The following C2CD5 variants were observed in gnomAD, a reference collection of about 807,000 sequenced individuals.
The protein encoded by C2CD5 is C2 calcium dependent domain containing 5, also known as C2 domain-containing protein 5.
C2CD5 carries 109 observed loss-of-function variants against 130.3 expected under a neutral mutation model. The observed-to-expected ratio is 0.84, with a 90% confidence interval of 0.72 to 0.98. The LOEUF (loss-of-function observed/expected upper bound fraction) is 0.98. Ranked by LOEUF, C2CD5 falls within the 50% of genes least tolerant of loss-of-function variation. C2CD5 has a pLI of 0.00. For missense variants in C2CD5, 996 were observed against 1,261.8 expected (o/e 0.79, Z 3.19); for synonymous variants, 454 against 429.2 (o/e 1.06, Z -0.71).
intron 22 of C2CD5, among the ~76,000 whole-genome samples, chr12:22,463,185 G>A (rs1194952797): frequency 6.6e-6 from 1 of 151,920 alleles, no homozygotes; most frequent in African/African-American, 2.4e-5. Context: ...TCAGGAGTTC[G>A]AGACCAGCCT....
intron 16 of C2CD5, among the ~76,000 whole-genome samples, chr12:22,473,788 G>A (rs1405323963): frequency 3.3e-5 from 5 of 152,196 alleles, no homozygotes; most frequent in South Asian, 4.2e-4. Flanking sequence ...TAGAGCTGAC[G>A]CCACAAGTAG....
chr12:22,465,851 C>T lies in C2CD5; in HGVS notation c.2533+3858G>A, dbSNP rs182756090. On this transcript the variant is annotated intron_variant, in intron 22 of 26. Transcript: ENST00000446597. ...TTATGTTGATACCATATCATCTATC[C>T]TTAAATAAATTATTTAGGCTCAGCA... 1.1e-3 allele frequency among the ~76,000 whole-genome samples: 173 copies of T among 152,006 alleles called. 1 individual carries two copies. Among genetic ancestry groups the T allele is most frequent in the African/African-American group, 4.0e-3 (166 of 41,486 alleles).
chr12:22,522,936 G>A (rs1375026108), intron 7 of C2CD5, among the ~76,000 whole-genome samples: 2 of 152,052 alleles, frequency 1.3e-5, no homozygotes, highest in Admixed American at 1.3e-4. Flanking sequence ...GCATAGGCAG[G>A]GCACAGTGGC....
intron 12 of C2CD5, among the ~76,000 whole-genome samples, chr12:22,489,354 G>T (rs949857272): frequency 6.6e-6 from 1 of 151,426 alleles, no homozygotes; most frequent in Non-Finnish European, 1.5e-5. Context: ...TCACCCTTCC[G>T]TATCCATGGG....
At chr12:22,520,675 A>G (rs528769639) in intron 7 of C2CD5, among the ~76,000 whole-genome samples, 3 of 152,140 alleles carry the variant, frequency 2.0e-5, no homozygotes, top group Non-Finnish European at 4.4e-5. Flanking sequence ...AAACAATGCT[A>G]TATTTATTAT....
chr12:22,502,584 T>C (rs955300232), intron 10 of C2CD5, among the ~76,000 whole-genome samples: 5 of 152,190 alleles, frequency 3.3e-5, no homozygotes, highest in Non-Finnish European at 7.4e-5. Context: ...TGTATTTCCA[T>C]TGAAATTACA....
chr12:22,503,666 C>A (rs370449520), intron 10 of C2CD5, among the ~76,000 whole-genome samples: 2 of 151,990 alleles, frequency 1.3e-5, no homozygotes, highest in South Asian at 2.1e-4. Flanking sequence ...AATGTACCAC[C>A]AGGCCCGGAT....
intron 11 of C2CD5, among the ~76,000 whole-genome samples, chr12:22,492,461 C>T: frequency 6.6e-6 from 1 of 152,084 alleles, no homozygotes; most frequent in East Asian, 1.9e-4. Context: ...TAAGGCGGAA[C>T]AGTTTCAAGT....
In C2CD5 at chr12:22,478,436, A is replaced by T. The variant is rs1297677785; in HGVS notation, c.1779T>A (p.Gly593=). The part of the protein sequence containing the change: ...GVYLAALPTP[G]GIQIAGKTPN... ...GAGTCTTCCCAGCAATCTGAATACCACCAGGAGTTGGTAAAGCTGCTAAAT... is the reference window on the plus strand; with the variant it reads ...GAGTCTTCCCAGCAATCTGAATACCTCCAGGAGTTGGTAAAGCTGCTAAAT... The change falls in exon 15 of 27, where the codon GGT becomes GGA. Residue 593 remains glycine (G), a synonymous_variant. Transcript: ENST00000446597. 6.2e-7 allele frequency: 1 copy of T among 1,613,796 alleles called. No homozygotes were observed. Among genetic ancestry groups the T allele is most frequent in the Admixed American group, 1.7e-5 (1 of 60,004 alleles).
Position 22,457,117 on chromosome 12 carries a change from G to A in C2CD5, c.2731C>T (p.Arg911Trp), listed in dbSNP as rs1258879122. 5.6e-6 allele frequency: 9 copies of A among 1,609,462 alleles called. No individual in the cohort carries two copies. The East Asian group carries it at 9.0e-5, about 16-fold the overall frequency. The change falls in exon 25 of 27, where the codon CGG becomes TGG. Residue 911 changes from arginine (R) to tryptophan (W), a missense_variant. Arg to Trp is a moderately radical substitution (Grantham distance 101, BLOSUM62 -3). This residue lies in a region of C2CD5 where 590 missense variants were observed against 631.4 expected (regional missense o/e 0.93). Transcript: ENST00000446597. ...GCACAAGGTGGAGCAGAACGATTCC[G>A]GAAATTTCCATCACCCACTGGACTT... ...KASPVGDGNF[R>W]NRSAPPCANS... is the part of the protein sequence containing the mutation.
chr12:22,482,180 T>C (rs1260313260), intron 14 of C2CD5, among the ~76,000 whole-genome samples: 1 of 152,160 alleles, frequency 6.6e-6, no homozygotes, highest in Non-Finnish European at 1.5e-5. Flanking sequence ...TTGCCATGGA[T>C]GCTGCTAAGC....
intron 3 of C2CD5, among the ~76,000 whole-genome samples, chr12:22,534,537 T>C (rs1464005778): frequency 6.6e-6 from 1 of 152,124 alleles, no homozygotes; most frequent in Non-Finnish European, 1.5e-5. Context: ...TAAAAATAAC[T>C]CAATTAGAAA....
chr12:22,491,974 G>A (rs897774359), intron 11 of C2CD5, among the ~76,000 whole-genome samples: 2 of 152,082 alleles, frequency 1.3e-5, no homozygotes, highest in African/African-American at 4.8e-5. Context: ...AGGGAGTAAG[G>A]CAAGATAAGC....
At chr12:22,472,705 T>TG (rs1943229287) in intron 17 of C2CD5, 39 bp downstream of exon 17, 1 of 1,102,430 alleles carries the variant, frequency 9.1e-7, no homozygotes, top group Non-Finnish European at 1.4e-6. Context: ...CATTTATATG[T>TG]AAAACTAGTT....
At chr12:22,518,200 C>G in intron 7 of C2CD5, 63 bp from the exon 8 acceptor site, 1 of 1,494,324 alleles carries the variant, frequency 6.7e-7, no homozygotes, top group Non-Finnish European at 9.3e-7. Context: ...CAGGTGGCAG[C>G]ATGATCCAAA....
intron 12 of C2CD5, among the ~76,000 whole-genome samples, chr12:22,488,051 G>C (rs888634232): frequency 6.9e-6 from 1 of 145,154 alleles, no homozygotes; most frequent in African/African-American, 2.5e-5. Context: ...TTGTGGGGTA[G>C]GGGGAGGGGG....
chr12:22,524,728 G>A, intron 5 of C2CD5, 101 bp from the exon 6 acceptor site: 1 of 711,072 alleles, frequency 1.4e-6, no homozygotes, highest in Non-Finnish European at 2.3e-6. Flanking sequence ...CATAATACAA[G>A]AACATCTTTT....
intron 8 of C2CD5, among the ~76,000 whole-genome samples, chr12:22,514,686 C>T (rs1446649283): frequency 6.6e-6 from 1 of 151,958 alleles, no homozygotes; most frequent in Admixed American, 6.6e-5. Context: ...GAAAGTAAAG[C>T]ATCTAAAACA....
At chr12:22,500,506 TCATA>T (rs1354604772) in intron 10 of C2CD5, among the ~76,000 whole-genome samples, 3 of 152,188 alleles carry the variant, frequency 2.0e-5, no homozygotes, top group African/African-American at 7.2e-5. Flanking sequence ...TAAGTTTCTC[TCATA>T]CAGAGTTAAT....
Sources: gnomAD v4.1 joint callset for allele counts (sites outside exome capture counted in the v4.1 genomes callset) on GRCh38, gnomAD v4.1.1 for gene constraint, gnomAD v4.1.1 regional missense constraint, MANE v1.5 for transcripts, NCBI Gene and HGNC (gene_info 2026-07-23, HGNC 2026-07-21) for gene names.